The following PLOD3 variants were observed in gnomAD, a reference collection of about 807,000 sequenced individuals.
PLOD3 encodes multifunctional procollagen lysine hydroxylase and glycosyltransferase LH3.
In PLOD3, 73 loss-of-function variants were observed where a neutral mutation model predicts 96.9. The observed-to-expected ratio is 0.75, with a 90% CI of 0.62 to 0.92. PLOD3 has a LOEUF of 0.92. PLOD3 is among the 40% of genes least tolerant of loss of function. The probability of loss-of-function intolerance (pLI) is 0.00; values close to 1 mark genes in which losing one functional copy is unlikely to be tolerated. For missense variants in PLOD3, 1,004 were observed against 1,004.3 expected, an observed-to-expected ratio of 1.00 and a Z score of 0.00; for synonymous variants, 454 against 413.7, an observed-to-expected ratio of 1.10 and a Z score of -1.18.
intron 9 of PLOD3, 50 bp from the exon 10 acceptor site, chr7:101,212,424 A>T: frequency 6.3e-7 from 1 of 1,589,634 alleles, no homozygotes; most frequent in Non-Finnish European, 8.6e-7. Context: ...GGGAGGCGGC[A>T]CCTGAGGGAT....
intron 6 of PLOD3, 167 bp from the exon 7 acceptor site, chr7:101,213,371 G>T (rs1798217980): frequency 4.4e-6 from 3 of 678,516 alleles, no homozygotes; most frequent in Admixed American, 4.2e-5. Flanking sequence ...TGACCAGGCT[G>T]CTGGCCCAGA....
In PLOD3 at chr7:101,212,985, G is replaced by T. The variant is rs771490904; in HGVS notation, c.778-42C>A. 12 of 1,463,630 alleles carry T rather than the reference G, an allele frequency of 8.2e-6. No individual in the cohort carries two copies. The East Asian group carries it at 2.7e-4, about 33-fold the overall frequency. 90.7% of individuals were successfully genotyped at this position (1,463,630 alleles called of 1,614,324 possible). On this transcript the variant is annotated intron_variant, in intron 7 of 18. Transcript: ENST00000223127. ...GAGGCTGAGTGGCTGAGGCCTCCAG[G>T]GGTGGAGGTGGGGGTCAGGCACCTC...
intron 16 of PLOD3, 96 bp downstream of exon 16, chr7:101,208,757 C>G: frequency 1.2e-6 from 1 of 840,786 alleles, no homozygotes. Flanking sequence ...CTGGGAACCC[C>G]TCTTTGCTCC....
chr7:101,215,153 C>T lies in PLOD3; in HGVS notation c.616-1G>A, dbSNP rs761538362. ...GATCCAGATTAAGGCTGAGTTTCTC[C>T]TAAATGGAATGAGATGCGATGGAGT... On this transcript the variant is annotated splice_acceptor_variant, in intron 5 of 18. Transcript: ENST00000223127. LOFTEE classifies it high-confidence loss of function. 8.1e-6 allele frequency: 13 copies of T among 1,606,698 alleles called. No individual in the cohort carries two copies. Among genetic ancestry groups the T allele is most frequent in the Middle Eastern group, 1.7e-4 (1 of 6,042 alleles).
Position 101,211,898 on chromosome 7 carries a change from C to T in PLOD3, c.1180G>A (p.Asp394Asn), listed in dbSNP as rs771549876. The T allele has an allele frequency of 1.4e-5, 23 of 1,612,116 alleles. No individual in the cohort carries two copies. In the East Asian group the frequency reaches 1.8e-4, roughly 13 times the overall value. ...GTCTGCAGGTTGGTGAGGACAGCGT[C>T]GGCGTCCAGGCTGAAGTAGAACTCA... ...ECEFYFSLDADAVLTNLQTLR... is the reference protein window; with the variant it reads ...ECEFYFSLDANAVLTNLQTLR... Residue 394 changes from aspartate (D) to asparagine (N), a missense_variant, in exon 11 of 19, where the codon GAC (aspartate) becomes AAC (asparagine). This residue lies in a region of PLOD3 where 690 missense variants were observed against 650.2 expected (regional missense o/e 1.06). Transcript: ENST00000223127.
At chr7:101,206,533 G>A in intron 18 of PLOD3, 97 bp from the exon 19 acceptor site, 1 of 1,177,012 alleles carries the variant, frequency 8.5e-7, no homozygotes, top group South Asian at 1.3e-5. Flanking sequence ...GGGGGGCACG[G>A]TGCAGCAGAC....
Position 101,212,345 on chromosome 7 carries a change from G to C in PLOD3, c.1035C>G (p.Asp345Glu). ...AGTGGTCCTGGAGCTGCGGCCAGGA[G>C]TCAGCGATGTGGGGTTCATGGAAGA... ...NEVFHEPHIA[D>E]SWPQLQDHFS... The change falls in exon 10 of 19, where the codon GAC becomes GAG. Residue 345 changes from aspartate to glutamate, a missense_variant. Coordinates refer to ENST00000223127, the MANE Select transcript of PLOD3 (RefSeq NM_001084.5). 6.2e-7 allele frequency: 1 copy of C among 1,613,874 alleles called. No individual in the cohort carries two copies. Among genetic ancestry groups the C allele is most frequent in the Non-Finnish European group, 8.5e-7 (1 of 1,179,920 alleles).
intron 17 of PLOD3, 130 bp from the exon 18 acceptor site, chr7:101,207,034 G>A: frequency 8.8e-7 from 1 of 1,142,458 alleles, no homozygotes; most frequent in East Asian, 2.6e-5. Flanking sequence ...GTGCGATCTT[G>A]GCTCGATCTT....
rs150873622 is a variant in PLOD3, at chr7:101,212,287, C to T, written c.1093G>A (p.Ala365Thr). ...SAVKLVGPEE[A>T]LSPGEARDMA... ...TCCCTGGCCTCGCCTGGGCTCAGAG[C>T]CTCCTCCGGCCCCACGAGCTTCACA... The change falls in exon 10 of 19, where the codon GCT (alanine) becomes ACT (threonine). Residue 365 changes from alanine (A) to threonine (T), a missense_variant. Coordinates refer to ENST00000223127, the MANE Select transcript of PLOD3 (RefSeq NM_001084.5). 1.9e-3 allele frequency: 3,055 copies of T among 1,613,648 alleles called. 3 individuals are homozygous for T. Among genetic ancestry groups the T allele is most frequent in the Non-Finnish European group, 2.5e-3 (2,927 of 1,179,978 alleles).
rs1364310612 is a variant in PLOD3 at position 101,207,435 on chromosome 7, C to A, written c.1935+143G>T. 3.6e-6 allele frequency: 3 copies of A among 844,824 alleles called. No individual in the cohort carries two copies. The South Asian group carries it at 5.1e-5, about 14-fold the overall frequency. 52.3% of individuals were successfully genotyped at this position (844,824 alleles called of 1,614,324 possible). A position where few individuals can be genotyped will look rare whatever the true frequency, so the allele number is the denominator to read the frequency against. On this transcript the variant is annotated intron_variant, in intron 17 of 18. Transcript: ENST00000223127. The stretch of plus-strand genomic sequence containing the variant: ...CTGGCGCCCTCCCTCCCCTGGGGTG[C>A]CTCCTGCAGCGTCTCATTCCCCTGG...
intron 4 of PLOD3, 39 bp from the exon 5 acceptor site, chr7:101,216,059 G>A (rs375068488): frequency 6.2e-7 from 1 of 1,605,586 alleles, no homozygotes; most frequent in African/African-American, 1.3e-5. Flanking sequence ...AGACTCCCAG[G>A]GTCCCAGGGC....
rs533431932 is a variant in PLOD3 at position 101,213,068 on chromosome 7, G to GGGGCA, written c.777+34_777+38dup. On this transcript the variant is annotated intron_variant, in intron 7 of 18. Coordinates refer to ENST00000223127, the MANE Select transcript of PLOD3 (RefSeq NM_001084.5). ...GAAGGGTTGGAGGTGCCTGGGGGTTGGGGCAGGGCGGGGCGGGGGTTGAGA... is the reference window on the plus strand; with the variant it reads ...GAAGGGTTGGAGGTGCCTGGGGGTTGGGGCAGGGCAGGGCGGGGCGGGGGTTGAGA... The GGGGCA allele has an allele frequency of 3.7e-5, 54 of 1,457,130 alleles. 1 individual carries two copies. In the East Asian group the frequency reaches 1.2e-3, roughly 32 times the overall value. The allele number at this position is 1,457,130 out of a possible 1,614,324, so 90.3% of individuals were successfully genotyped here. A position where few individuals can be genotyped will look rare whatever the true frequency, so the allele number is the denominator to read the frequency against.
intron 17 of PLOD3, among the ~76,000 whole-genome samples, chr7:101,207,344 CT>C (rs1287198857): frequency 1.3e-5 from 2 of 151,850 alleles, no homozygotes; most frequent in Non-Finnish European, 2.9e-5. Flanking sequence ...GGCGGGACCC[CT>C]GCGTAGGAGG....
chr7:101,210,245 T>C (rs918933080), intron 14 of PLOD3, 84 bp from the exon 15 acceptor site: 7 of 1,485,136 alleles, frequency 4.7e-6, no homozygotes, highest in Non-Finnish European at 6.5e-6. Flanking sequence ...CTCAGTGTCC[T>C]GCGCTGGCAG....
chr7:101,206,675 G>A (rs1490876524), intron 18 of PLOD3, 104 bp downstream of exon 18: 4 of 1,342,518 alleles, frequency 3.0e-6, no homozygotes, highest in Admixed American at 4.0e-5. Flanking sequence ...AAAGTCACTG[G>A]GAAATGGGCA....
At chr7:101,216,983 G>A (rs1244789223) in intron 1 of PLOD3, 183 bp downstream of exon 1, 2 of 783,232 alleles carry the variant, frequency 2.6e-6, no homozygotes, top group Non-Finnish European at 4.1e-6. Context: ...TTTGCATAGG[G>A]AGGCTGGAAA....
At chr7:101,207,041 T>G (rs1798098131) in intron 17 of PLOD3, 137 bp from the exon 18 acceptor site, 1 of 1,074,428 alleles carries the variant, frequency 9.3e-7, no homozygotes, top group African/African-American at 1.6e-5. Context: ...CTTGGCTCGA[T>G]CTTGGCTCAC....
In PLOD3 at chr7:101,209,074, C is replaced by A. The variant is rs1026405132; in HGVS notation, c.1684-117G>T. 5.2e-6 allele frequency: 4 copies of A among 767,850 alleles called. No homozygotes were observed. The African/African-American group carries it at 6.8e-5, about 13-fold the overall frequency. The allele number at this position is 767,850 out of a possible 1,614,324, so 47.6% of individuals were successfully genotyped here. A position where few individuals can be genotyped will look rare whatever the true frequency, so the allele number is the denominator to read the frequency against. Reference sequence around the variant, plus strand: ...AGCAGGGAAGGCTTTGTGAGAGCAGCCGGGGACCCGCCAGGTAGGGGCTGA... The same window carrying A: ...AGCAGGGAAGGCTTTGTGAGAGCAGACGGGGACCCGCCAGGTAGGGGCTGA... On this transcript the variant is annotated intron_variant, in intron 15 of 18. Coordinates refer to ENST00000223127, the MANE Select transcript of PLOD3 (RefSeq NM_001084.5).
In PLOD3 at chr7:101,212,631, C is replaced by G. The variant is rs181326069; in HGVS notation, c.904G>C (p.Val302Leu). Reference sequence around the variant, plus strand: ...AACGGAGTAGGCTGTTCCACAAACACGGCCAGAAACACCCGGGGGGGAGGC... The same window carrying G: ...AACGGAGTAGGCTGTTCCACAAACAGGGCCAGAAACACCCGGGGGGGAGGC... ...GQPPPRVFLAVFVEQPTPFLP... is the reference protein window; with the variant it reads ...GQPPPRVFLALFVEQPTPFLP... Residue 302 changes from valine to leucine, a missense_variant, in exon 9 of 19, where the codon GTG becomes CTG. Physicochemically the swap from Val to Leu is conservative, Grantham distance 32 (BLOSUM62 1). Transcript: ENST00000223127. 1.9e-6 allele frequency: 3 copies of G among 1,613,780 alleles called. No homozygotes were observed. Among genetic ancestry groups the G allele is most frequent in the South Asian group, 1.1e-5 (1 of 91,070 alleles).
Sources: gnomAD v4.1 joint callset for allele counts (sites outside exome capture counted in the v4.1 genomes callset) on GRCh38, gnomAD v4.1.1 for gene constraint, gnomAD v4.1.1 regional missense constraint, MANE v1.5 for transcripts, NCBI Gene and HGNC (gene_info 2026-07-23, HGNC 2026-07-21) for gene names.